Variants in ABCA1 observed in about 807,000 individuals in gnomAD.
ABCA1 encodes the protein phospholipid-transporting ATPase ABCA1.
A neutral mutation model predicts 262.5 loss-of-function variants in ABCA1; 133 were observed. That is an observed-to-expected ratio of 0.51 (90% confidence interval 0.44 to 0.59). ABCA1 has a LOEUF of 0.59. Ranked by LOEUF, ABCA1 falls within the 20% of genes least tolerant of loss-of-function variation. The pLI is 0.00. For missense variants in ABCA1, 2,452 were observed against 2,777.5 expected (o/e 0.88, Z 2.63); for synonymous variants, 1,022 against 1,043.5 (o/e 0.98, Z 0.40).
intron 31 of ABCA1, among the ~76,000 whole-genome samples, chr9:104,805,730 G>T (rs964104944): frequency 1.1e-4 from 17 of 152,184 alleles, no homozygotes; most frequent in East Asian, 7.7e-4. Flanking sequence ...TACTGCTGTG[G>T]GACAGGCATG....
chr9:104,803,434 A>G, intron 32 of ABCA1, 118 bp from the exon 33 acceptor site: 1 of 1,059,026 alleles, frequency 9.4e-7, no homozygotes, highest in Non-Finnish European at 1.5e-6. Context: ...ATAACCCTAG[A>G]ATCAGCTGGC....
chr9:104,789,022 G>A (rs1301456766), intron 44 of ABCA1, among the ~76,000 whole-genome samples: 2 of 152,198 alleles, frequency 1.3e-5, no homozygotes, highest in African/African-American at 4.8e-5. Context: ...GTGGTGGGGT[G>A]GCTTTGGGGT....
intron 1 of ABCA1, among the ~76,000 whole-genome samples, chr9:104,910,537 A>G (rs1841430470): frequency 6.6e-6 from 1 of 152,200 alleles, no homozygotes; most frequent in African/African-American, 2.4e-5. Flanking sequence ...TCTTTCAAAA[A>G]CAGTGATTAT....
intron 2 of ABCA1, among the ~76,000 whole-genome samples, chr9:104,900,025 G>A (rs957372222): frequency 1.3e-5 from 2 of 152,106 alleles, no homozygotes; most frequent in Admixed American, 6.5e-5. Flanking sequence ...CAGAAACAGC[G>A]GAAAACTAAC....
chr9:104,863,814 C>T (rs1194701398), intron 5 of ABCA1, among the ~76,000 whole-genome samples: 2 of 152,208 alleles, frequency 1.3e-5, no homozygotes, highest in Non-Finnish European at 2.9e-5. Context: ...CTACCTGATG[C>T]TTCCCATCAC....
chr9:104,879,632 G>A (rs140311950), intron 5 of ABCA1, among the ~76,000 whole-genome samples: 1 of 152,268 alleles, frequency 6.6e-6, no homozygotes, highest in Non-Finnish European at 1.5e-5. Context: ...CAAAGAAATG[G>A]AGAACACGTA....
chr9:104,782,103 T>A lies in ABCA1; in HGVS notation c.*2212A>T, dbSNP rs928328572. On this transcript the variant is annotated 3_prime_UTR_variant, in exon 50 of 50. Coordinates refer to ENST00000374736, the MANE Select transcript of ABCA1 (RefSeq NM_005502.4). The stretch of plus-strand genomic sequence containing the variant: ...TAAGGAGTTGCTCATAGATTTACTA[T>A]AATGAAGAATTAGAATACGATTTTA... The A allele has an allele frequency of 3.9e-5, 6 of 152,162 alleles. No homozygotes were observed. Among genetic ancestry groups the A allele is most frequent in the African/African-American group, 1.4e-4 (6 of 41,462 alleles). The allele number at this position is 152,162 out of a possible 1,614,324, so 9.4% of individuals were successfully genotyped here.
At chr9:104,886,479 C>A (rs1343034544) in intron 3 of ABCA1, among the ~76,000 whole-genome samples, 1 of 152,142 alleles carries the variant, frequency 6.6e-6, no homozygotes, top group African/African-American at 2.4e-5. Context: ...GTTAATAGTT[C>A]AAGGAAAACC....
rs970893698 is a variant in ABCA1, at chr9:104,872,735, A to C, written c.421+10304T>G. On this transcript the variant is annotated intron_variant, in intron 5 of 49. Transcript: ENST00000374736. ...AGGACCAGAAATGGGAAAGCTTTCA[A>C]TGAGAAACAAACTGGACTCCCAAAT... is the stretch of plus-strand genomic sequence containing the variant. 1.2e-4 allele frequency among the ~76,000 whole-genome samples: 19 copies of C among 152,372 alleles called. 2 individuals are homozygous for C. The highest frequency in any genetic ancestry group is 1.2e-3 in the Admixed American group (18 of 15,312).
chr9:104,797,351 G>T (rs764735835), intron 37 of ABCA1, among the ~76,000 whole-genome samples: 18 of 152,188 alleles, frequency 1.2e-4, no homozygotes, highest in Non-Finnish European at 2.5e-4. Context: ...AAAATCAAAT[G>T]AATTTGTATA....
At position 104,889,135 on chromosome 9, in the gene ABCA1, G is replaced by A. The variant is rs1458927804; in HGVS notation, c.127C>T (p.Arg43Trp). 11 of 1,614,096 alleles carry A rather than the reference G, an allele frequency of 6.8e-6. No homozygotes were observed. The highest frequency in any genetic ancestry group is 2.2e-5 in the East Asian group (1 of 44,882). ...LFIFLILISV[R>W]LSYPPYEQHE... ...TGTTCATAGGGTGGGTAGCTCAGCC[G>A]AACAGAGATCAGGATCAGGAAGATA... Residue 43 changes from arginine (R) to tryptophan (W), a missense_variant, in exon 3 of 50, where the codon CGG becomes TGG. Around this residue, in one of 4 missense-constraint regions of ABCA1, gnomAD observed 1,032 missense variants for 1,089.7 expected, o/e 0.95. Coordinates refer to ENST00000374736, the MANE Select transcript of ABCA1 (RefSeq NM_005502.4).
At chr9:104,808,538 TGTACTAA>T (rs1341446321) in intron 30 of ABCA1, among the ~76,000 whole-genome samples, 1 of 152,246 alleles carries the variant, frequency 6.6e-6, no homozygotes, top group African/African-American at 2.4e-5. Flanking sequence ...CCACCCATTA[TGTACTAA>T]GTACTAACAA....
intron 18 of ABCA1, among the ~76,000 whole-genome samples, chr9:104,822,973 A>C (rs763566179): frequency 1.3e-5 from 2 of 152,026 alleles, no homozygotes; most frequent in Non-Finnish European, 2.9e-5. Flanking sequence ...GAACTGTGAT[A>C]CACCCCTCCC....
intron 1 of ABCA1, among the ~76,000 whole-genome samples, chr9:104,911,067 A>T (rs1564292242): frequency 6.6e-6 from 1 of 152,152 alleles, no homozygotes; most frequent in East Asian, 1.9e-4. Context: ...GGTATAATAG[A>T]CAAATAAAAA....
chr9:104,817,099 C>T lies in ABCA1; in HGVS notation c.3535+233G>A. 1 of 588,420 alleles carries T rather than the reference C, an allele frequency of 1.7e-6. No homozygotes were observed. Among genetic ancestry groups the T allele is most frequent in the Non-Finnish European group, 2.1e-6 (1 of 467,246 alleles). 36.4% of individuals were successfully genotyped at this position (588,420 alleles called of 1,614,324 possible). On this transcript the variant is annotated intron_variant, in intron 24 of 49. Coordinates refer to ENST00000374736, the MANE Select transcript of ABCA1 (RefSeq NM_005502.4). This position sits in a 1 kb window ranked among gnomAD's most constrained non-coding sequence, Gnocchi z 4.7. ...GGGATTCCCCAAACCCCAATCATCT[C>T]AGCTCTCTGGGACACTGCCCTGCTA...
At chr9:104,793,071 T>TGA in intron 41 of ABCA1, 100 bp downstream of exon 41, 1 of 1,589,932 alleles carries the variant, frequency 6.3e-7, no homozygotes, top group Non-Finnish European at 8.6e-7. Flanking sequence ...TCACATATTT[T>TGA]GAGTTCAGTT....
chr9:104,852,560 T>C (rs897357294), intron 7 of ABCA1, among the ~76,000 whole-genome samples: 3 of 152,212 alleles, frequency 2.0e-5, no homozygotes, highest in African/African-American at 7.2e-5. Flanking sequence ...AGAAATAGTA[T>C]AACTAAGGTG....
chr9:104,795,100 A>T (rs534586035), intron 39 of ABCA1, among the ~76,000 whole-genome samples: 3 of 152,370 alleles, frequency 2.0e-5, no homozygotes, highest in Non-Finnish European at 4.4e-5. Flanking sequence ...GGAGGCATGG[A>T]CTAAGGACTC....
intron 33 of ABCA1, among the ~76,000 whole-genome samples, chr9:104,802,807 C>T (rs1279400474): frequency 2.0e-5 from 3 of 152,214 alleles, no homozygotes; most frequent in Admixed American, 6.5e-5. Flanking sequence ...GGTTGAAATA[C>T]AGTGCAAAGA....
Sources: allele counts gnomAD v4.1 joint callset (sites outside exome capture counted in the v4.1 genomes callset), GRCh38; gene constraint gnomAD v4.1.1; regional missense constraint gnomAD v4.1.1; non-coding constraint Gnocchi (gnomAD v3.1); transcripts MANE v1.5; gene names NCBI Gene and HGNC (gene_info 2026-07-23, HGNC 2026-07-21).